The following PI4KA variants were observed in gnomAD, a reference collection of about 807,000 sequenced individuals.
The protein encoded by PI4KA is phosphatidylinositol 4-kinase alpha.
PI4KA carries 122 observed loss-of-function variants against 271.4 expected under a neutral mutation model. The ratio of observed to expected loss-of-function variants is 0.45; its 90% CI spans 0.39 to 0.52. The LOEUF is 0.52. Ranked by LOEUF, PI4KA falls within the 20% of genes least tolerant of loss-of-function variation. PI4KA has a pLI of 0.00. For synonymous variants in PI4KA, 1,041 were observed against 1,078.8 expected, an observed-to-expected ratio of 0.96 and a Z score of 0.69; for missense variants, 1,969 against 2,769.1, an observed-to-expected ratio of 0.71 and a Z score of 6.48.
At chr22:20,752,796 C>T in intron 25 of PI4KA, 107 bp downstream of exon 25, 2 of 1,222,798 alleles carry the variant, frequency 1.6e-6, no homozygotes, top group Non-Finnish European at 2.4e-6. Context: ...TTCATTCTGA[C>T]TCCATTTTTT....
At chr22:20,718,012 G>A (rs1247559039) in intron 44 of PI4KA, among the ~76,000 whole-genome samples, 6 of 152,284 alleles carry the variant, frequency 3.9e-5, no homozygotes, top group East Asian at 3.9e-4. Flanking sequence ...TGCTGTGTGC[G>A]GGGGTGTGTG....
At chr22:20,713,718 C>T (rs1279368822) in intron 47 of PI4KA, among the ~76,000 whole-genome samples, 6 of 152,224 alleles carry the variant, frequency 3.9e-5, no homozygotes, top group Admixed American at 6.5e-5. Flanking sequence ...TGTGTCTGTA[C>T]ACTGGGGTCC....
rs1428474938 is a variant in PI4KA, at chr22:20,727,296, G to A, written c.4875C>T (p.Ser1625=). 1.9e-6 allele frequency: 3 copies of A among 1,613,130 alleles called. No homozygotes were observed. The highest frequency in any genetic ancestry group is 1.3e-5 in the African/African-American group (1 of 74,916). The change falls in exon 41 of 55, where the codon TCC becomes TCT. Residue 1625 remains serine (S), a synonymous_variant. Transcript: ENST00000255882. The stretch of plus-strand genomic sequence containing the variant: ...TGAGAGGGTGCGGCGGGTACATGCT[G>A]GAGAAGTAGGAGAGGCCTGTGGGTG... ...TDPPTGLSYF[S]SMYPPHPLTA... is the part of the protein sequence containing the mutation.
At chr22:20,754,325 C>T (rs987812919) in intron 23 of PI4KA, among the ~76,000 whole-genome samples, 1 of 150,836 alleles carries the variant, frequency 6.6e-6, no homozygotes, top group South Asian at 2.1e-4. Context: ...CTGGGTCAAG[C>T]AATCCTTCTG....
intron 4 of PI4KA, among the ~76,000 whole-genome samples, chr22:20,821,232 G>GT (rs1158390760): frequency 6.6e-6 from 1 of 151,992 alleles, no homozygotes; most frequent in Non-Finnish European, 1.5e-5. Context: ...TTTTTTATTT[G>GT]TTTGAGACGA....
intron 27 of PI4KA, 33 bp downstream of exon 27, chr22:20,751,260 G>A (rs374053193): frequency 6.5e-7 from 1 of 1,527,550 alleles, no homozygotes; most frequent in Non-Finnish European, 9.1e-7. Context: ...TGGTAAAGAT[G>A]GCCCTTAGTG....
chr22:20,857,847 G>A (rs1257739415), intron 1 of PI4KA, among the ~76,000 whole-genome samples: 1 of 152,166 alleles, frequency 6.6e-6, no homozygotes, highest in Non-Finnish European at 1.5e-5. Context: ...ACACCACTGA[G>A]TTGCCTTTCA....
chr22:20,834,968 G>A (rs1924672019), intron 2 of PI4KA, among the ~76,000 whole-genome samples: 1 of 152,154 alleles, frequency 6.6e-6, no homozygotes, highest in African/African-American at 2.4e-5. Flanking sequence ...GGAGGTACAC[G>A]TGTGTACACA....
intron 43 of PI4KA, among the ~76,000 whole-genome samples, chr22:20,719,916 C>T (rs1363685134): frequency 6.6e-6 from 1 of 151,146 alleles, no homozygotes; most frequent in Non-Finnish European, 1.5e-5. Context: ...GTCCCAGCTA[C>T]TCGGGAGGCT....
intron 3 of PI4KA, among the ~76,000 whole-genome samples, chr22:20,830,709 T>C (rs1459650444): frequency 6.6e-6 from 1 of 152,180 alleles, no homozygotes; most frequent in East Asian, 1.9e-4. Context: ...TATGTAGGCT[T>C]GTTTGTGTGG....
Position 20,761,349 on chromosome 22 carries a change from T to C in PI4KA, c.2746A>G (p.Met916Val), listed in dbSNP as rs1376955265. ...GCTTTATCCTCAAAGTAGCAGAACATTACCTGGAAGCGATCAGGATCTGTT... is the reference window on the plus strand; with the variant it reads ...GCTTTATCCTCAAAGTAGCAGAACACTACCTGGAAGCGATCAGGATCTGTT... ...RSTDPDRFQV[M>V]FCYFEDKAIQ... Residue 916 changes from methionine to valine, a missense_variant, in exon 23 of 55, where the codon ATG (methionine) becomes GTG (valine). Physicochemically the swap from Met to Val is conservative, Grantham distance 21. Coordinates refer to ENST00000255882, the MANE Select transcript of PI4KA (RefSeq NM_058004.4). 3 of 1,612,442 alleles carry C rather than the reference T, an allele frequency of 1.9e-6. No individual in the cohort carries two copies. The highest frequency in any genetic ancestry group is 2.2e-5 in the East Asian group (1 of 44,866).
At chr22:20,810,538 C>A (rs1301273338) in intron 9 of PI4KA, among the ~76,000 whole-genome samples, 1 of 151,810 alleles carries the variant, frequency 6.6e-6, no homozygotes, top group Admixed American at 6.6e-5. Context: ...CCTAGTTACG[C>A]ACCCCTTACA....
chr22:20,743,821 G>A (rs372141041), intron 30 of PI4KA, among the ~76,000 whole-genome samples: 2 of 151,976 alleles, frequency 1.3e-5, no homozygotes, highest in African/African-American at 2.4e-5. Context: ...TTGGGAGGCC[G>A]AGGCGGGCAG....
At chr22:20,836,273 T>C (rs1924857119) in intron 2 of PI4KA, among the ~76,000 whole-genome samples, 1 of 152,156 alleles carries the variant, frequency 6.6e-6, no homozygotes, top group African/African-American at 2.4e-5. Flanking sequence ...CTGTCTAAAT[T>C]GCAGATTCAC....
chr22:20,722,478 C>T (rs1039266004), intron 42 of PI4KA, among the ~76,000 whole-genome samples: 18 of 152,200 alleles, frequency 1.2e-4, no homozygotes, highest in Admixed American at 4.6e-4. Context: ...TGAGCCACCG[C>T]ACCTGGCCAG....
In PI4KA at chr22:20,778,556, G is replaced by A. The variant is rs143392137; in HGVS notation, c.2329-12863C>T. ...ACAACAACAACAACAAAAAAACAAC[G>A]AATTAAACAACCCCAAAGATTGCAC... On this transcript the variant is annotated intron_variant, in intron 19 of 54. Transcript: ENST00000255882. 6.3e-3 allele frequency among the ~76,000 whole-genome samples: 951 copies of A among 152,080 alleles called. 9 individuals carry two copies. The highest frequency in any genetic ancestry group is 0.021 in the African/African-American group (872 of 41,506).
At chr22:20,845,698 T>G (rs1039552594) in intron 1 of PI4KA, among the ~76,000 whole-genome samples, 1 of 152,132 alleles carries the variant, frequency 6.6e-6, no homozygotes, top group African/African-American at 2.4e-5. Flanking sequence ...GATCAGAGTT[T>G]CATTAGAGAT....
intron 42 of PI4KA, chr22:20,722,015 T>C (rs1368663163): frequency 6.5e-6 from 1 of 153,040 alleles, no homozygotes; most frequent in African/African-American, 2.4e-5. Context: ...GTTTTATAAA[T>C]GTTTGACAGT....
chr22:20,770,403 C>T (rs1441562048), intron 19 of PI4KA, among the ~76,000 whole-genome samples: 1 of 150,106 alleles, frequency 6.7e-6, no homozygotes, highest in Non-Finnish European at 1.5e-5. Context: ...ATCCCAGCTA[C>T]TTGGGAGGCT....
Sources: allele counts gnomAD v4.1 joint callset (sites outside exome capture counted in the v4.1 genomes callset), GRCh38; gene constraint gnomAD v4.1.1; transcripts MANE v1.5; gene names NCBI Gene and HGNC (gene_info 2026-07-23, HGNC 2026-07-21).